The following PCDHA3 variants were observed in gnomAD, a reference collection of about 807,000 sequenced individuals.
The protein encoded by PCDHA3 is protocadherin alpha-3.
Under a neutral mutation model 62.2 loss-of-function variants are expected in PCDHA3, and 41 were observed. That is an observed-to-expected ratio of 0.66 (90% CI 0.51 to 0.86). The LOEUF is 0.86. Among genes scored for constraint, PCDHA3 ranks in the 40% least tolerant of loss-of-function variants. The probability of loss-of-function intolerance (pLI) is 0.00; values close to 1 mark genes in which losing one functional copy is unlikely to be tolerated. For synonymous variants in PCDHA3, 640 were observed against 555.4 expected, an observed-to-expected ratio of 1.15 and a Z score of -2.14; for missense variants, 1,304 against 1,241.2, an observed-to-expected ratio of 1.05 and a Z score of -0.76.
At chr5:140,912,652 G>A (rs555103404) in intron 1 of PCDHA3, among the ~76,000 whole-genome samples, 2 of 152,132 alleles carry the variant, frequency 1.3e-5, no homozygotes, top group South Asian at 2.1e-4. Context: ...TTGAATAGAA[G>A]TGGTGAAAAT....
chr5:140,805,922 T>C (rs1554123492), intron 1 of PCDHA3, among the ~76,000 whole-genome samples: 1 of 152,162 alleles, frequency 6.6e-6, no homozygotes, highest in Non-Finnish European at 1.5e-5. Context: ...ATTTAGGAAA[T>C]ATTAGGTAAG....
At position 140,836,827 on chromosome 5, in the gene PCDHA3, G is replaced by T; in HGVS notation, c.2394+33236G>T. The T allele has an allele frequency of 4.1e-6, 4 of 968,068 alleles. No individual in the cohort carries two copies. In the South Asian group the frequency reaches 7.2e-5, roughly 17 times the overall value. 60.0% of individuals were successfully genotyped at this position (968,068 alleles called of 1,614,324 possible). A position where few individuals can be genotyped will look rare whatever the true frequency, so the allele number is the denominator to read the frequency against. On this transcript the variant is annotated intron_variant, in intron 1 of 3. Transcript: ENST00000522353. ...ATTTTCTTTCATAATTTCTTTTTTA[G>T]TTGATAGCTTTATGTATAATTATTA...
chr5:140,969,249 A>G (rs1586364972), intron 1 of PCDHA3: 1 of 1,614,240 alleles, frequency 6.2e-7, no homozygotes, highest in Admixed American at 1.7e-5. Flanking sequence ...GCAGTGACTG[A>G]CAGCAGGAAT....
At chr5:140,860,513 C>A (rs1176536406) in intron 1 of PCDHA3, 3 of 152,110 alleles carry the variant, frequency 2.0e-5, no homozygotes, top group African/African-American at 7.2e-5. Context: ...AGATAAAACT[C>A]TTCATGGAAT....
At chr5:140,847,610 C>T (rs1047587407) in intron 1 of PCDHA3, 3 of 149,370 alleles carry the variant, frequency 2.0e-5, no homozygotes, top group African/African-American at 7.4e-5. Context: ...ATTGTAATAA[C>T]ATTACACAAA....
intron 1 of PCDHA3, chr5:140,842,584 T>C (rs1245274554): frequency 1.3e-6 from 2 of 1,519,626 alleles, no homozygotes. Context: ...TGTCGGCCTA[T>C]GAGTTGGTGG....
chr5:140,852,580 TTA>T, intron 1 of PCDHA3: 5 of 841,004 alleles, frequency 5.9e-6, no homozygotes, highest in South Asian at 5.3e-5. Context: ...CAAGGCTTTT[TTA>T]TTTTTTTTTT....
intron 1 of PCDHA3, chr5:140,848,977 A>T (rs2150427682): frequency 1.2e-6 from 2 of 1,600,464 alleles, no homozygotes; most frequent in South Asian, 1.1e-5. Flanking sequence ...TCCGATGCAG[A>T]TATCGGGGAG....
chr5:140,933,314 G>C (rs925777839), intron 1 of PCDHA3, among the ~76,000 whole-genome samples: 1 of 151,914 alleles, frequency 6.6e-6, no homozygotes, highest in African/African-American at 2.4e-5. Context: ...ATGCAATCTC[G>C]TATTCTCCTG....
chr5:140,838,514 G>A (rs1775767521), intron 1 of PCDHA3, among the ~76,000 whole-genome samples: 1 of 151,652 alleles, frequency 6.6e-6, no homozygotes, highest in African/African-American at 2.4e-5. Context: ...AAAAGTATTT[G>A]CATCTTATTT....
rs2053195452 is a variant in PCDHA3, at chr5:140,871,568, T to G, written c.2394+67977T>G. ...TTAAAATCCAGTTTTTTTTCACGGATTTTTTAAGGGAAAGTTTTATGAATA... is the reference window on the plus strand; with the variant it reads ...TTAAAATCCAGTTTTTTTTCACGGAGTTTTTAAGGGAAAGTTTTATGAATA... On this transcript the variant is annotated intron_variant, in intron 1 of 3. Coordinates refer to ENST00000522353, the MANE Select transcript of PCDHA3 (RefSeq NM_018906.3). 4.7e-6 allele frequency: 7 copies of G among 1,481,802 alleles called. No homozygotes were observed. In the East Asian group the frequency reaches 1.7e-4, roughly 37 times the overall value. The allele number at this position is 1,481,802 out of a possible 1,614,324, so 91.8% of individuals were successfully genotyped here. A position where few individuals can be genotyped will look rare whatever the true frequency, so the allele number is the denominator to read the frequency against.
intron 1 of PCDHA3, chr5:140,836,291 C>T: frequency 6.2e-7 from 1 of 1,613,720 alleles, no homozygotes; most frequent in Non-Finnish European, 8.5e-7. Context: ...CGACACGAGC[C>T]CTAGATGAGA....
chr5:140,837,274 A>G (rs1774994137), intron 1 of PCDHA3: 1 of 152,032 alleles, frequency 6.6e-6, no homozygotes, highest in South Asian at 2.1e-4. Context: ...TGTAGCACTG[A>G]CTTCTTTTTA....
intron 1 of PCDHA3, among the ~76,000 whole-genome samples, chr5:140,826,932 G>A (rs145132526): frequency 7.3e-4 from 111 of 152,266 alleles, no homozygotes; most frequent in African/African-American, 2.6e-3. Context: ...ATGGACTTAG[G>A]TGGATGTGGA....
chr5:140,888,288 C>G (rs1328691042), intron 1 of PCDHA3, among the ~76,000 whole-genome samples: 1 of 152,108 alleles, frequency 6.6e-6, no homozygotes, highest in African/African-American at 2.4e-5. Context: ...CCCTCTACCC[C>G]CTACCCAGGA....
chr5:141,010,696 C>A lies in PCDHA3; in HGVS notation c.*759C>A. ...AAACAGAAGCAGATCTGATGTGTTT[C>A]CTATACATGTCCTGTGCTCACTTTA... On this transcript the variant is annotated 3_prime_UTR_variant, in exon 4 of 4. Transcript: ENST00000522353. The A allele has an allele frequency of 6.3e-6, 1 of 159,082 alleles. No individual in the cohort carries two copies. The highest frequency in any genetic ancestry group is 1.4e-5 in the Non-Finnish European group (1 of 71,522). 9.9% of individuals were successfully genotyped at this position (159,082 alleles called of 1,614,324 possible).
At chr5:140,824,635 T>TTTTTTTTTTTTC (rs1768301721) in intron 1 of PCDHA3, 1 of 144,392 alleles carries the variant, frequency 6.9e-6, no homozygotes, top group African/African-American at 2.7e-5. Flanking sequence ...TTTTTTTTAT[T>TTTTTTTTTTTTC]TTCTGTAGAG....
chr5:140,864,489 A>C (rs1194272327), intron 1 of PCDHA3: 1 of 152,184 alleles, frequency 6.6e-6, no homozygotes, highest in Admixed American at 6.5e-5. Flanking sequence ...CAGTGGGTGG[A>C]ATTTTAGCCT....
rs373471484 is a variant in PCDHA3, at chr5:140,997,017, TA to T, written c.2543-12609del. 5.1e-4 allele frequency among the ~76,000 whole-genome samples: 78 copies of T among 152,304 alleles called. No individual in the cohort carries two copies. The South Asian group carries it at 0.011, about 21-fold the overall frequency. ...TAACAATTTTGTGTGTATCCTCCAA[TA>T]TTTTTTTGAAATTAATGAACTTTAC... On this transcript the variant is annotated intron_variant, in intron 3 of 3. Transcript: ENST00000522353.
Sources: allele counts gnomAD v4.1 joint callset (sites outside exome capture counted in the v4.1 genomes callset), GRCh38; gene constraint gnomAD v4.1.1; transcripts MANE v1.5; gene names NCBI Gene and HGNC (gene_info 2026-07-23, HGNC 2026-07-21).